Variants in PTPN7 observed in about 807,000 individuals in gnomAD.
PTPN7 encodes the protein tyrosine-protein phosphatase non-receptor type 7.
A neutral mutation model predicts 50.3 loss-of-function variants in PTPN7; 33 were observed. The observed-to-expected ratio is 0.66, with a 90% confidence interval of 0.50 to 0.88. The LOEUF is 0.88. PTPN7 is among the 40% of genes least tolerant of loss of function. The pLI is 0.00. For missense variants in PTPN7, 412 were observed against 475.4 expected, an observed-to-expected ratio of 0.87 and a Z score of 1.24; for synonymous variants, 185 against 186.6, an observed-to-expected ratio of 0.99 and a Z score of 0.07.
At chr1:202,148,760 C>T (rs1655602000) in intron 9 of PTPN7, 61 bp from the exon 10 acceptor site, 3 of 1,424,278 alleles carry the variant, frequency 2.1e-6, no homozygotes, top group Non-Finnish European at 2.9e-6. Context: ...CTGAATGGCT[C>T]CAGTCAAACA....
chr1:202,153,978 G>T, intron 6 of PTPN7, 143 bp from the exon 7 acceptor site: 1 of 984,886 alleles, frequency 1.0e-6, no homozygotes. Flanking sequence ...TTCTGAGCTT[G>T]ATACCTGCAA....
Position 202,159,537 on chromosome 1 carries a change from C to T in PTPN7, c.-52-83G>A. ...GCTCCCATGCCAGGCCAGGTTTGCACTCTGTTTTCACTGGGGCGTCTTCTG... is the reference window on the plus strand; with the variant it reads ...GCTCCCATGCCAGGCCAGGTTTGCATTCTGTTTTCACTGGGGCGTCTTCTG... On this transcript the variant is annotated intron_variant, in intron 1 of 9. Transcript: ENST00000691036. This position sits in a 1 kb window ranked among gnomAD's most constrained non-coding sequence, Gnocchi z 4.6. The T allele has an allele frequency of 6.5e-7, 1 of 1,536,596 alleles. No individual in the cohort carries two copies. Among genetic ancestry groups the T allele is most frequent in the Non-Finnish European group, 8.8e-7 (1 of 1,142,634 alleles).
At chr1:202,149,591 G>A (rs1032821075) in intron 9 of PTPN7, among the ~76,000 whole-genome samples, 20 of 151,806 alleles carry the variant, frequency 1.3e-4, no homozygotes, top group Non-Finnish European at 2.2e-4. Flanking sequence ...CCAGGAGTTC[G>A]AGACTAGTCT....
At chr1:202,161,444 T>A, upstream of PTPN7, 1 of 1,289,822 alleles carries the variant, frequency 7.8e-7, no homozygotes. Flanking sequence ...TCTTCGCTGC[T>A]GGGGTGCCTG....
chr1:202,152,438 G>C, intron 8 of PTPN7, 104 bp downstream of exon 8: 1 of 1,351,900 alleles, frequency 7.4e-7, no homozygotes, highest in South Asian at 1.4e-5. Context: ...GTAAGGACTA[G>C]GCTTGCCTGA....
In PTPN7 at chr1:202,160,471, G is replaced by C; in HGVS notation, c.-53+74C>G. Reference sequence around the variant, plus strand: ...TCGCCCTCCCGCACTCCCTCCTAGAGATGCCCTCTTATATCCCCGGAGTTC... The same window carrying C: ...TCGCCCTCCCGCACTCCCTCCTAGACATGCCCTCTTATATCCCCGGAGTTC... On this transcript the variant is annotated intron_variant, in intron 1 of 9. Coordinates refer to ENST00000691036, the MANE Select transcript of PTPN7 (RefSeq NM_002832.4). This position sits in a 1 kb window ranked among gnomAD's most constrained non-coding sequence, Gnocchi z 4.8. 1 of 1,428,478 alleles carries C rather than the reference G, an allele frequency of 7.0e-7. No individual in the cohort carries two copies. 88.5% of individuals were successfully genotyped at this position (1,428,478 alleles called of 1,614,324 possible).
Position 202,160,475 on chromosome 1 carries a change from C to A in PTPN7, c.-53+70G>T, listed in dbSNP as rs1224133115. The A allele has an allele frequency of 3.5e-6, 5 of 1,440,640 alleles. No homozygotes were observed. Among genetic ancestry groups the A allele is most frequent in the Non-Finnish European group, 4.7e-6 (5 of 1,063,506 alleles). The allele number at this position is 1,440,640 out of a possible 1,614,324, so 89.2% of individuals were successfully genotyped here. On this transcript the variant is annotated intron_variant, in intron 1 of 9. Transcript: ENST00000691036. This position sits in a 1 kb window ranked among gnomAD's most constrained non-coding sequence, Gnocchi z 4.8. ...CCTCCCGCACTCCCTCCTAGAGATGCCCTCTTATATCCCCGGAGTTCGCAC... is the reference window on the plus strand; with the variant it reads ...CCTCCCGCACTCCCTCCTAGAGATGACCTCTTATATCCCCGGAGTTCGCAC...
chr1:202,160,473 T>A lies in PTPN7; in HGVS notation c.-53+72A>T. On this transcript the variant is annotated intron_variant, in intron 1 of 9. Transcript: ENST00000691036. The surrounding 1 kb of genome is among the most constrained non-coding windows in gnomAD (Gnocchi z 4.8). ...GCCCTCCCGCACTCCCTCCTAGAGA[T>A]GCCCTCTTATATCCCCGGAGTTCGC... 7.0e-7 allele frequency: 1 copy of A among 1,430,510 alleles called. No individual in the cohort carries two copies. The highest frequency in any genetic ancestry group is 1.3e-5 in the South Asian group (1 of 74,958). The allele number at this position is 1,430,510 out of a possible 1,614,324, so 88.6% of individuals were successfully genotyped here.
upstream of PTPN7, chr1:202,160,861 G>T: frequency 6.7e-7 from 1 of 1,486,006 alleles, no homozygotes; most frequent in Non-Finnish European, 9.0e-7. The surrounding 1 kb of genome is among the most constrained non-coding windows in gnomAD (Gnocchi z 4.8). Context: ...TCTCCTCTGG[G>T]TCTTTGTCAC....
At chr1:202,157,299 C>T (rs757770328) in intron 4 of PTPN7, among the ~76,000 whole-genome samples, 19 of 152,138 alleles carry the variant, frequency 1.2e-4, no homozygotes, top group Non-Finnish European at 1.2e-4. Context: ...CACCTGAGGT[C>T]GGGAGTTCGA....
In PTPN7 at chr1:202,152,485, AG is replaced by A. The variant is rs1328567297; in HGVS notation, c.875+56del. ...TCAGACCCTTCCCCAGGAGAGACCCAGGGGGCAGGGGAGGGGAGCACAGTCC... is the reference window on the plus strand; with the variant it reads ...TCAGACCCTTCCCCAGGAGAGACCCAGGGGCAGGGGAGGGGAGCACAGTCC... On this transcript the variant is annotated intron_variant, in intron 8 of 9. Transcript: ENST00000691036. The A allele has an allele frequency of 4.5e-6, 7 of 1,571,186 alleles. No individual in the cohort carries two copies. In the East Asian group the frequency reaches 1.4e-4, roughly 30 times the overall value.
At chr1:202,153,501 A>G (rs1656278182) in intron 7 of PTPN7, among the ~76,000 whole-genome samples, 1 of 152,126 alleles carries the variant, frequency 6.6e-6, no homozygotes, top group African/African-American at 2.4e-5. Flanking sequence ...GACCATTTAC[A>G]CAGATGGGTG....
At chr1:202,157,884 C>A in intron 3 of PTPN7, 61 bp from the exon 4 acceptor site, 1 of 1,528,360 alleles carries the variant, frequency 6.5e-7, no homozygotes, top group Non-Finnish European at 9.1e-7. Context: ...CTCCTTCTAC[C>A]TTTTTCTAGA....
Position 202,147,741 on chromosome 1 carries a change from A to C in PTPN7, c.*865T>G, listed in dbSNP as rs1328323589. ...TAGGTGTACTCAGCAAATGCAAGGT[A>C]TAGTGGGTCCTGCATACCCAGGGTA... On this transcript the variant is annotated 3_prime_UTR_variant, in exon 10 of 10. Coordinates refer to ENST00000691036, the MANE Select transcript of PTPN7 (RefSeq NM_002832.4). 6.6e-6 allele frequency: 1 copy of C among 152,244 alleles called. No individual in the cohort carries two copies. Among genetic ancestry groups the C allele is most frequent in the African/African-American group, 2.4e-5 (1 of 41,456 alleles). 9.4% of individuals were successfully genotyped at this position (152,244 alleles called of 1,614,324 possible). A position where few individuals can be genotyped will look rare whatever the true frequency, so the allele number is the denominator to read the frequency against.
chr1:202,157,620 A>G (rs1177223578), intron 4 of PTPN7, 119 bp downstream of exon 4: 2 of 882,962 alleles, frequency 2.3e-6, no homozygotes, highest in Non-Finnish European at 3.6e-6. Flanking sequence ...TTCTCTGCTG[A>G]GAGAAGATGT....
At chr1:202,151,099 C>T (rs1655957476) in intron 8 of PTPN7, among the ~76,000 whole-genome samples, 2 of 152,300 alleles carry the variant, frequency 1.3e-5, no homozygotes, top group Admixed American at 6.5e-5. Context: ...TTGTCCCCTA[C>T]GACACCCCCT....
In PTPN7 at chr1:202,150,331, C is replaced by A; in HGVS notation, c.969G>T (p.Val323=). The A allele has an allele frequency of 1.9e-6, 3 of 1,612,518 alleles. No individual in the cohort carries two copies. The highest frequency in any genetic ancestry group is 2.5e-6 in the Non-Finnish European group (3 of 1,179,268). Residue 323 remains valine, a synonymous_variant, in exon 9 of 10, where the codon GTG becomes GTT. Coordinates refer to ENST00000691036, the MANE Select transcript of PTPN7 (RefSeq NM_002832.4). ...ARGEVDILGI[V]CQLRLDRGGM... Reference sequence around the variant, plus strand: ...CCCACCTGTCTAGCCGCAGTTGGCACACAATACCCAGAATGTCCACTTCTC... The same window carrying A: ...CCCACCTGTCTAGCCGCAGTTGGCAAACAATACCCAGAATGTCCACTTCTC...
chr1:202,149,312 C>T (rs975920063), intron 9 of PTPN7, among the ~76,000 whole-genome samples: 7 of 152,206 alleles, frequency 4.6e-5, no homozygotes, highest in African/African-American at 1.7e-4. Context: ...AACCAGATCT[C>T]TGAAGCCTTG....
At chr1:202,157,285 G>A (rs1053305317) in intron 4 of PTPN7, among the ~76,000 whole-genome samples, 3 of 152,162 alleles carry the variant, frequency 2.0e-5, no homozygotes, top group African/African-American at 7.2e-5. Context: ...CGAGGTGGGC[G>A]GATCACCTGA....
Sources: gnomAD v4.1 joint callset for allele counts (sites outside exome capture counted in the v4.1 genomes callset) on GRCh38, gnomAD v4.1.1 for gene constraint, Gnocchi (gnomAD v3.1) non-coding constraint, MANE v1.5 for transcripts, NCBI Gene and HGNC (gene_info 2026-07-23, HGNC 2026-07-21) for gene names.